The following UST variants were observed in gnomAD, a reference collection of about 807,000 sequenced individuals.
The protein encoded by UST is uronyl 2-sulfotransferase.
Under a neutral mutation model 45.6 loss-of-function variants are expected in UST, and 21 were observed. The ratio of observed to expected loss-of-function variants is 0.46; its 90% CI spans 0.33 to 0.66. The LOEUF is 0.66. Among genes scored for constraint, UST ranks in the 30% least tolerant of loss-of-function variants. The pLI is 0.02. For synonymous variants in UST, 215 were observed against 200.6 expected (o/e 1.07, Z -0.61); for missense variants, 463 against 512.4 (o/e 0.90, Z 0.93).
intron 2 of UST, among the ~76,000 whole-genome samples, chr6:148,938,295 G>C (rs1780057778): frequency 6.6e-6 from 1 of 152,108 alleles, no homozygotes; most frequent in African/African-American, 2.4e-5. Context: ...GCACTGTGAG[G>C]ACACATAGTA....
intron 1 of UST, among the ~76,000 whole-genome samples, chr6:148,851,919 G>T (rs553011282): frequency 1.3e-5 from 2 of 152,348 alleles, no homozygotes; most frequent in East Asian, 1.9e-4. Flanking sequence ...CTGAGGGGCT[G>T]CCCCTGATGA....
chr6:149,036,962 C>T (rs970779370), intron 7 of UST, among the ~76,000 whole-genome samples: 2 of 152,120 alleles, frequency 1.3e-5, no homozygotes, highest in African/African-American at 4.8e-5. Context: ...AGAGGCAGAG[C>T]GTATGACCAT....
chr6:148,853,012 C>A (rs1271784924), intron 1 of UST, among the ~76,000 whole-genome samples: 2 of 152,186 alleles, frequency 1.3e-5, no homozygotes, highest in Non-Finnish European at 2.9e-5. Context: ...AGGTTTGTTA[C>A]ATAGGTAAAC....
intron 5 of UST, among the ~76,000 whole-genome samples, chr6:148,983,904 C>T (rs1237617393): frequency 6.6e-6 from 1 of 152,212 alleles, no homozygotes; most frequent in African/African-American, 2.4e-5. Context: ...CCACATCACA[C>T]AGTGTACACA....
intron 5 of UST, among the ~76,000 whole-genome samples, chr6:148,984,452 A>G (rs1781200860): frequency 6.6e-6 from 1 of 152,248 alleles, no homozygotes; most frequent in Admixed American, 6.5e-5. Flanking sequence ...AAGATATTCT[A>G]AATATTTGAA....
chr6:148,815,332 C>T (rs1344326330), intron 1 of UST, among the ~76,000 whole-genome samples: 1 of 152,200 alleles, frequency 6.6e-6, no homozygotes, highest in Non-Finnish European at 1.5e-5. Context: ...ATGCTGTTCA[C>T]TGTACAGCCT....
chr6:148,905,512 G>A (rs1345125002), intron 2 of UST, among the ~76,000 whole-genome samples: 1 of 152,154 alleles, frequency 6.6e-6, no homozygotes, highest in African/African-American at 2.4e-5. Context: ...CTTTCCCTGG[G>A]GTGAGACCTA....
chr6:148,877,323 C>G (rs1401555536), intron 1 of UST, among the ~76,000 whole-genome samples: 1 of 51,732 alleles, frequency 1.9e-5, no homozygotes, highest in Non-Finnish European at 3.4e-5. Flanking sequence ...GTGTGGGTAT[C>G]GTGTACAAGT....
At chr6:149,021,539 A>T (rs1775981739) in intron 7 of UST, 58 bp downstream of exon 7, 1 of 1,581,988 alleles carries the variant, frequency 6.3e-7, no homozygotes, top group African/African-American at 1.4e-5. Flanking sequence ...AGGGCTACTC[A>T]CCTTGAAAAG....
At chr6:148,824,427 AAG>A (rs1777529010) in intron 1 of UST, among the ~76,000 whole-genome samples, 1 of 152,292 alleles carries the variant, frequency 6.6e-6, no homozygotes, top group South Asian at 2.1e-4. Flanking sequence ...TCAGCAAAAC[AAG>A]AGTCTTCTTT....
In UST at chr6:148,927,874, A is replaced by T. The variant is rs553750402; in HGVS notation, c.292-13405A>T. Among the ~76,000 whole-genome samples the T allele has an allele frequency of 7.9e-5, 12 of 152,354 alleles. 1 individual carries two copies. In the South Asian group the frequency reaches 2.5e-3, roughly 32 times the overall value. On this transcript the variant is annotated intron_variant, in intron 2 of 7. Transcript: ENST00000367463. Reference sequence around the variant, plus strand: ...GATGGTCCAACTTGGACCAAGGCTAAAAATTCAAAATGTACAGAGAAATGG... The same window carrying T: ...GATGGTCCAACTTGGACCAAGGCTATAAATTCAAAATGTACAGAGAAATGG...
intron 1 of UST, among the ~76,000 whole-genome samples, chr6:148,810,351 AT>A (rs1455055636): frequency 6.6e-6 from 1 of 152,214 alleles, no homozygotes; most frequent in Admixed American, 6.5e-5. Flanking sequence ...ACTTCATTAT[AT>A]GGTTTGCTAT....
intron 2 of UST, among the ~76,000 whole-genome samples, chr6:148,921,716 C>A (rs903670251): frequency 3.3e-5 from 5 of 152,164 alleles, no homozygotes. Flanking sequence ...CCTGGAGCAT[C>A]CTTGTGGGTT....
chr6:148,855,877 G>C (rs1002796881), intron 1 of UST, among the ~76,000 whole-genome samples: 2 of 152,134 alleles, frequency 1.3e-5, no homozygotes, highest in African/African-American at 4.8e-5. Context: ...ACTTGAGCTG[G>C]CAGGAACTAG....
At chr6:148,787,263 C>T (rs1001086787) in intron 1 of UST, among the ~76,000 whole-genome samples, 51 of 152,300 alleles carry the variant, frequency 3.3e-4, no homozygotes, top group African/African-American at 1.2e-3. Context: ...AATCTTTGCC[C>T]ATGCATATGT....
chr6:148,994,629 C>G (rs970923413), intron 5 of UST, among the ~76,000 whole-genome samples: 2 of 152,180 alleles, frequency 1.3e-5, no homozygotes, highest in South Asian at 4.2e-4. Flanking sequence ...AATAATCCAC[C>G]AGGCGGATAT....
At position 148,922,111 on chromosome 6, in the gene UST, G is replaced by A. The variant is rs554613748; in HGVS notation, c.292-19168G>A. 1.8e-4 allele frequency among the ~76,000 whole-genome samples: 27 copies of A among 152,278 alleles called. No homozygotes were observed. The South Asian group carries it at 5.4e-3, about 30-fold the overall frequency. ...AAATGTAATTCTATTCACATACCAG[G>A]AAATTCTCCCTTTTAAAGTGTACAA... On this transcript the variant is annotated intron_variant, in intron 2 of 7. Transcript: ENST00000367463.
chr6:148,859,139 T>A (rs1778259014), intron 1 of UST, among the ~76,000 whole-genome samples: 1 of 152,206 alleles, frequency 6.6e-6, no homozygotes, highest in Non-Finnish European at 1.5e-5. Flanking sequence ...TTCCTATTTC[T>A]CCACATCCTC....
chr6:148,905,647 A>G (rs1779342729), intron 2 of UST, among the ~76,000 whole-genome samples: 1 of 152,232 alleles, frequency 6.6e-6, no homozygotes, highest in African/African-American at 2.4e-5. Context: ...AGCCAACAAC[A>G]GAAGGAGACC....
Sources: allele counts gnomAD v4.1 joint callset (sites outside exome capture counted in the v4.1 genomes callset), GRCh38; gene constraint gnomAD v4.1.1; transcripts MANE v1.5; gene names NCBI Gene and HGNC (gene_info 2026-07-23, HGNC 2026-07-21).